CACUL1: variants seen among roughly 807,000 people sequenced by gnomAD.
CACUL1 encodes CDK2 associated cullin domain 1.
In CACUL1, 13 loss-of-function variants were observed where a neutral mutation model predicts 45.2. The observed-to-expected ratio is 0.29, with a 90% CI of 0.19 to 0.46. The LOEUF is 0.46. Among genes scored for constraint, CACUL1 ranks in the 20% least tolerant of loss-of-function variants. The probability of loss-of-function intolerance (pLI) is 1.00; values close to 1 mark genes in which losing one functional copy is unlikely to be tolerated. For missense variants in CACUL1, 421 were observed against 471.4 expected (o/e 0.89, Z 0.99); for synonymous variants, 197 against 174.2 (o/e 1.13, Z -1.03).
intron 3 of CACUL1, among the ~76,000 whole-genome samples, chr10:118,722,152 C>T (rs7101312): frequency 0.28 from 41,816 of 150,642 alleles, 5,971 homozygotes; most frequent in East Asian, 0.39. Context: ...GGTGCGATCT[C>T]GGCTCACTGC....
intron 1 of CACUL1, among the ~76,000 whole-genome samples, chr10:118,730,981 G>A (rs960841863): frequency 6.6e-6 from 1 of 152,150 alleles, no homozygotes; most frequent in Non-Finnish European, 1.5e-5. Context: ...AACTCAGGCT[G>A]CTACTATCTT....
chr10:118,716,329 A>G (rs1845545192), intron 3 of CACUL1, among the ~76,000 whole-genome samples: 1 of 148,044 alleles, frequency 6.8e-6, no homozygotes, highest in Non-Finnish European at 1.5e-5. Context: ...TCCTGTGTGC[A>G]TGTGTCTGTT....
intron 3 of CACUL1, among the ~76,000 whole-genome samples, chr10:118,719,966 AATAT>A (rs1473304727): frequency 6.6e-6 from 1 of 152,216 alleles, no homozygotes; most frequent in African/African-American, 2.4e-5. Flanking sequence ...TAAGAGCTAT[AATAT>A]ACATATTAGA....
intron 3 of CACUL1, among the ~76,000 whole-genome samples, chr10:118,712,329 C>A (rs1335104817): frequency 6.6e-6 from 1 of 151,940 alleles, no homozygotes; most frequent in Non-Finnish European, 1.5e-5. Context: ...ACTCCAAGAA[C>A]CAAAGGGCCC....
chr10:118,691,109 A>G (rs1845261153), intron 7 of CACUL1, among the ~76,000 whole-genome samples, 156 bp downstream of exon 7: 1 of 152,156 alleles, frequency 6.6e-6, no homozygotes. Context: ...TAGCTTCAAC[A>G]TTTCTACAGA....
intron 3 of CACUL1, among the ~76,000 whole-genome samples, chr10:118,713,522 T>A (rs1238427579): frequency 6.6e-6 from 1 of 151,942 alleles, no homozygotes; most frequent in African/African-American, 2.4e-5. Flanking sequence ...TACTCCAAAC[T>A]TGCTCCAATT....
chr10:118,712,453 G>A (rs1217886741), intron 3 of CACUL1, among the ~76,000 whole-genome samples: 1 of 152,264 alleles, frequency 6.6e-6, no homozygotes, highest in East Asian at 1.9e-4. Context: ...TGGCAAGCAA[G>A]TGGCATGTCT....
intron 7 of CACUL1, among the ~76,000 whole-genome samples, chr10:118,690,095 A>G (rs1478053672): frequency 6.6e-6 from 1 of 152,142 alleles, no homozygotes; most frequent in Admixed American, 6.5e-5. Flanking sequence ...AGGTCAGGAG[A>G]TCGAGACCAT....
At chr10:118,719,818 A>C (rs1335025056) in intron 3 of CACUL1, among the ~76,000 whole-genome samples, 1 of 152,196 alleles carries the variant, frequency 6.6e-6, no homozygotes, top group Non-Finnish European at 1.5e-5. Context: ...TCTCAAAAAA[A>C]AAAAAAGGAA....
At chr10:118,744,579 G>A (rs967888020) in intron 1 of CACUL1, among the ~76,000 whole-genome samples, 7 of 152,112 alleles carry the variant, frequency 4.6e-5, no homozygotes. Flanking sequence ...GCACAACACT[G>A]GGCATGTACT....
In CACUL1 at chr10:118,684,894, CATCT is replaced by C. The variant is rs1222320053; in HGVS notation, c.*1230_*1233del. 2 of 152,200 alleles carry C rather than the reference CATCT, an allele frequency of 1.3e-5. No individual in the cohort carries two copies. The highest frequency in any genetic ancestry group is 2.9e-5 in the Non-Finnish European group (2 of 68,042). The allele number at this position is 152,200 out of a possible 1,614,324, so 9.4% of individuals were successfully genotyped here. A position where few individuals can be genotyped will look rare whatever the true frequency, so the allele number is the denominator to read the frequency against. ...GAAGAAAAGTATTTTTCTCTTGCCA[CATCT>C]ATTTTTCTTGGGCTTTCAACAACAG... is the stretch of plus-strand genomic sequence containing the variant. On this transcript the variant is annotated 3_prime_UTR_variant, in exon 9 of 9. Transcript: ENST00000369151.
In CACUL1 at chr10:118,730,418, T is replaced by C. The variant is rs761458374; in HGVS notation, c.368-8A>G. ...TAGTTATAACATTCATTACTAAAAG[T>C]AAAAAGTAAAATAAATATTACTACG... On this transcript the variant is annotated splice_region_variant and splice_polypyrimidine_tract_variant and intron_variant, in intron 1 of 8. Coordinates refer to ENST00000369151, the MANE Select transcript of CACUL1 (RefSeq NM_153810.5). 1 of 1,600,656 alleles carries C rather than the reference T, an allele frequency of 6.2e-7. No homozygotes were observed. Among genetic ancestry groups the C allele is most frequent in the Admixed American group, 1.7e-5 (1 of 59,434 alleles).
rs1384039997 is a variant in CACUL1, at chr10:118,695,002, T to C, written c.886+139A>G. 6 of 584,006 alleles carry C rather than the reference T, an allele frequency of 1.0e-5. No homozygotes were observed. In the South Asian group the frequency reaches 1.0e-4, roughly 10 times the overall value. The allele number at this position is 584,006 out of a possible 1,614,324, so 36.2% of individuals were successfully genotyped here. A position where few individuals can be genotyped will look rare whatever the true frequency, so the allele number is the denominator to read the frequency against. On this transcript the variant is annotated intron_variant, in intron 6 of 8. Transcript: ENST00000369151. ...TGAGCTCTGAGTTTACATTTCACAATGATGAGTATCTACTCAATTTTTTTG... is the reference window on the plus strand; with the variant it reads ...TGAGCTCTGAGTTTACATTTCACAACGATGAGTATCTACTCAATTTTTTTG...
chr10:118,714,744 AT>A (rs1845525452), intron 3 of CACUL1, among the ~76,000 whole-genome samples: 1 of 152,222 alleles, frequency 6.6e-6, no homozygotes, highest in Non-Finnish European at 1.5e-5. Context: ...TACATAAAAT[AT>A]TTTTTAAAGT....
Position 118,676,715 on chromosome 10 carries a change from C to T in CACUL1, c.*9413G>A, listed in dbSNP as rs1270720468. ...TTTAGAAAGAGCAAAGGTTTATTAACCACAAATACCACAAACAATATTTTA... is the reference window on the plus strand; with the variant it reads ...TTTAGAAAGAGCAAAGGTTTATTAATCACAAATACCACAAACAATATTTTA... On this transcript the variant is annotated 3_prime_UTR_variant, in exon 9 of 9. Transcript: ENST00000369151. 6.6e-6 allele frequency: 1 copy of T among 152,142 alleles called. No homozygotes were observed. Among genetic ancestry groups the T allele is most frequent in the Non-Finnish European group, 1.5e-5 (1 of 68,018 alleles). 9.4% of individuals were successfully genotyped at this position (152,142 alleles called of 1,614,324 possible). A position where few individuals can be genotyped will look rare whatever the true frequency, so the allele number is the denominator to read the frequency against.
At chr10:118,752,213 T>C (rs1378042778) in intron 1 of CACUL1, among the ~76,000 whole-genome samples, 1 of 152,194 alleles carries the variant, frequency 6.6e-6, no homozygotes, top group Non-Finnish European at 1.5e-5. Flanking sequence ...ACAGTAGTAA[T>C]GACAGGAGCA....
chr10:118,686,572 A>G (rs759058478), intron 8 of CACUL1, 26 bp downstream of exon 8: 5 of 1,581,556 alleles, frequency 3.2e-6, no homozygotes, highest in Non-Finnish European at 4.3e-6. Flanking sequence ...AGAACCATCA[A>G]GATGGGAAGG....
intron 3 of CACUL1, among the ~76,000 whole-genome samples, chr10:118,708,147 CAAAAAA>C (rs34008762): frequency 0.029 from 2,977 of 104,024 alleles, 52 homozygotes; most frequent in Non-Finnish European, 0.041. Context: ...AACACTGTCT[CAAAAAA>C]AAAAAAAAAA....
At position 118,678,346 on chromosome 10, in the gene CACUL1, T is replaced by C. The variant is rs1845117167; in HGVS notation, c.*7782A>G. On this transcript the variant is annotated 3_prime_UTR_variant, in exon 9 of 9. Coordinates refer to ENST00000369151, the MANE Select transcript of CACUL1 (RefSeq NM_153810.5). ...TGCATTTTCTATCTTGTTGATGAAA[T>C]TCTTCCCTACTCCAAAGTCATTGTT... The C allele has an allele frequency of 6.6e-6, 1 of 152,224 alleles. No homozygotes were observed. Among genetic ancestry groups the C allele is most frequent in the African/African-American group, 2.4e-5 (1 of 41,464 alleles). The allele number at this position is 152,224 out of a possible 1,614,324, so 9.4% of individuals were successfully genotyped here. A position where few individuals can be genotyped will look rare whatever the true frequency, so the allele number is the denominator to read the frequency against.
Sources: gnomAD v4.1 joint callset for allele counts (sites outside exome capture counted in the v4.1 genomes callset) on GRCh38, gnomAD v4.1.1 for gene constraint, MANE v1.5 for transcripts, NCBI Gene and HGNC (gene_info 2026-07-23, HGNC 2026-07-21) for gene names.